Variants in FOXP2 observed in about 807,000 individuals in gnomAD.
FOXP2 encodes the protein forkhead box P2.
FOXP2 carries 12 observed loss-of-function variants against 115.8 expected under a neutral mutation model. That is an observed-to-expected ratio of 0.10 (90% CI 0.07 to 0.17). The LOEUF (loss-of-function observed/expected upper bound fraction) is 0.17, where lower values mean the gene tolerates loss of function less well. Ranked by LOEUF, FOXP2 falls within the 10% of genes least tolerant of loss-of-function variation. The pLI, the probability that FOXP2 is intolerant of heterozygous loss-of-function variation, is 1.00. For missense variants in FOXP2, 629 were observed against 843.5 expected (o/e 0.75, Z 3.15); for synonymous variants, 328 against 297.7 (o/e 1.10, Z -1.05).
At chr7:114,405,678 G>A (rs984719055) in intron 2 of FOXP2, among the ~76,000 whole-genome samples, 1 of 151,798 alleles carries the variant, frequency 6.6e-6, no homozygotes, top group Non-Finnish European at 1.5e-5. Flanking sequence ...AATGAAAATG[G>A]GTGTAGTGTT....
chr7:114,195,337 T>C (rs1793875390), intron 1 of FOXP2, among the ~76,000 whole-genome samples: 2 of 152,206 alleles, frequency 1.3e-5, no homozygotes, highest in African/African-American at 4.8e-5. Context: ...ATCTTATATA[T>C]GTATATATTC....
chr7:114,162,564 A>T (rs1382285104), upstream of FOXP2, among the ~76,000 whole-genome samples: 3 of 151,812 alleles, frequency 2.0e-5, no homozygotes, highest in Admixed American at 2.0e-4. Context: ...CTAAGACATT[A>T]AAAAAAATGA....
At chr7:114,372,884 G>A (rs990426838) in intron 2 of FOXP2, among the ~76,000 whole-genome samples, 1 of 151,902 alleles carries the variant, frequency 6.6e-6, no homozygotes, top group Non-Finnish European at 1.5e-5. Flanking sequence ...CCTTGTTTTC[G>A]TACTCTTTCC....
At chr7:114,096,409 C>G (rs1799652905) in intron 1 of FOXP2, among the ~76,000 whole-genome samples, 1 of 152,264 alleles carries the variant, frequency 6.6e-6, no homozygotes, top group East Asian at 1.9e-4. Flanking sequence ...GAAAAGTATG[C>G]CTTTAAGTTG....
intron 2 of FOXP2, among the ~76,000 whole-genome samples, chr7:114,511,498 G>C (rs1325054961): frequency 1.3e-5 from 2 of 152,114 alleles, no homozygotes; most frequent in African/African-American, 4.8e-5. Context: ...GTGAGCATTG[G>C]GGGAAGGAAT....
chr7:114,446,042 G>GAT (rs5886708), intron 2 of FOXP2, among the ~76,000 whole-genome samples: 5 of 151,752 alleles, frequency 3.3e-5, no homozygotes, highest in Admixed American at 1.3e-4. Context: ...TGATTAACTA[G>GAT]TTTTTTTGCT....
intron 2 of FOXP2, among the ~76,000 whole-genome samples, chr7:114,483,923 C>T (rs1315228469): frequency 6.6e-6 from 1 of 151,712 alleles, no homozygotes; most frequent in African/African-American, 2.4e-5. Flanking sequence ...TTTGAATTTA[C>T]TGGTCTACTT....
intron 1 of FOXP2, among the ~76,000 whole-genome samples, chr7:114,128,720 G>C (rs1438095058): frequency 6.6e-6 from 1 of 151,820 alleles, no homozygotes; most frequent in Middle Eastern, 3.4e-3. Context: ...AATGCCCCAG[G>C]GACTCAAGGA....
intron 1 of FOXP2, among the ~76,000 whole-genome samples, chr7:114,156,294 G>C (rs1274909574): frequency 6.6e-6 from 1 of 152,064 alleles, no homozygotes; most frequent in Non-Finnish European, 1.5e-5. Flanking sequence ...GTGTGTGTGT[G>C]CATGTGGGAG....
chr7:114,604,578 G>A (rs1803211435), intron 3 of FOXP2, among the ~76,000 whole-genome samples: 1 of 152,058 alleles, frequency 6.6e-6, no homozygotes, highest in East Asian at 1.9e-4. Flanking sequence ...TCTATACGTT[G>A]GTTTTGCAGA....
chr7:114,192,912 GTGA>G (rs1476046213), intron 1 of FOXP2, among the ~76,000 whole-genome samples: 2 of 152,124 alleles, frequency 1.3e-5, no homozygotes, highest in Non-Finnish European at 2.9e-5. Flanking sequence ...CTGTGTTCAA[GTGA>G]TGATGTTTTA....
chr7:114,206,898 A>G (rs1563005331), intron 1 of FOXP2, among the ~76,000 whole-genome samples: 1 of 152,186 alleles, frequency 6.6e-6, no homozygotes, highest in Admixed American at 6.5e-5. Context: ...AACTGTCAGC[A>G]TTATCAAATC....
At chr7:114,378,982 G>T (rs1380756712) in intron 2 of FOXP2, among the ~76,000 whole-genome samples, 4 of 151,760 alleles carry the variant, frequency 2.6e-5, no homozygotes, top group African/African-American at 7.3e-5. Flanking sequence ...GTTTCTTAAA[G>T]GTTTCATTGA....
chr7:114,283,779 A>G (rs895817470), intron 1 of FOXP2, among the ~76,000 whole-genome samples: 2 of 152,084 alleles, frequency 1.3e-5, no homozygotes, highest in African/African-American at 2.4e-5. Flanking sequence ...CTTGGGCAAC[A>G]TAGGGAGACT....
At chr7:114,646,031 T>G (rs564982680) in intron 8 of FOXP2, among the ~76,000 whole-genome samples, 52 of 136,286 alleles carry the variant, frequency 3.8e-4, no homozygotes, top group African/African-American at 1.3e-3. Context: ...TTAAAAAATG[T>G]TAGGTAGCTT....
chr7:114,294,579 A>G (rs1468015980), intron 2 of FOXP2, among the ~76,000 whole-genome samples: 5 of 152,218 alleles, frequency 3.3e-5, no homozygotes, highest in East Asian at 3.9e-4. Flanking sequence ...GGTGGCTTAC[A>G]CCTGTAATCC....
chr7:114,134,132 T>C (rs1242403634), intron 1 of FOXP2, among the ~76,000 whole-genome samples: 1 of 152,174 alleles, frequency 6.6e-6, no homozygotes, highest in Non-Finnish European at 1.5e-5. Flanking sequence ...ATAATGCTAA[T>C]AGGTAAAGTA....
intron 3 of FOXP2, among the ~76,000 whole-genome samples, chr7:114,570,178 T>C (rs1429793907): frequency 1.3e-5 from 2 of 151,854 alleles, no homozygotes; most frequent in Non-Finnish European, 2.9e-5. Context: ...TACATTTGAG[T>C]ATATAGAGTA....
At chr7:114,564,208 G>A (rs865883937) in intron 3 of FOXP2, among the ~76,000 whole-genome samples, 6 of 150,876 alleles carry the variant, frequency 4.0e-5, no homozygotes, top group East Asian at 2.0e-4. Flanking sequence ...ACATATTGTC[G>A]GCATAATCCT....
Sources: allele counts gnomAD v4.1 joint callset (sites outside exome capture counted in the v4.1 genomes callset), GRCh38; gene constraint gnomAD v4.1.1; transcripts MANE v1.5; gene names NCBI Gene and HGNC (gene_info 2026-07-23, HGNC 2026-07-21).